The following AKAP1 variants were observed in gnomAD, a reference collection of about 807,000 sequenced individuals.
AKAP1 encodes A-kinase anchor protein 1, mitochondrial.
AKAP1 carries 32 observed loss-of-function variants against 79.8 expected under a neutral mutation model. That is an observed-to-expected ratio of 0.40 (90% CI 0.30 to 0.54). The LOEUF (loss-of-function observed/expected upper bound fraction) is 0.54, where lower values mean the gene tolerates loss of function less well. Among genes scored for constraint, AKAP1 ranks in the 20% least tolerant of loss-of-function variants. The probability of loss-of-function intolerance (pLI) is 0.47; values close to 1 mark genes in which losing one functional copy is unlikely to be tolerated. For missense variants in AKAP1, 961 were observed against 1,138.9 expected, an observed-to-expected ratio of 0.84 and a Z score of 2.25; for synonymous variants, 416 against 466.7, an observed-to-expected ratio of 0.89 and a Z score of 1.40.
Position 57,109,398 on chromosome 17 carries a change from A to G in AKAP1, c.1715-627A>G, listed in dbSNP as rs541872092. ...GAGCCAGAAGAGTGTTCAGAGTTGC[A>G]TGAATCAGGCCTAAGCAAAGGGAAA... On this transcript the variant is annotated intron_variant, in intron 2 of 10. Transcript: ENST00000337714. Among the ~76,000 whole-genome samples, 7 of 152,320 alleles carry G rather than the reference A, an allele frequency of 4.6e-5. No individual in the cohort carries two copies. In the South Asian group the frequency reaches 1.4e-3, roughly 32 times the overall value.
At chr17:57,119,961 G>A (rs145741284) in intron 10 of AKAP1, among the ~76,000 whole-genome samples, 3,729 of 150,748 alleles carry the variant, frequency 0.025, 159 homozygotes, top group African/African-American at 0.085. Flanking sequence ...CAGTAACTGG[G>A]ATTACAGGTG....
At position 57,104,413 on chromosome 17, in the gene AKAP1, C is replaced by T. The variant is rs138548689; in HGVS notation, c.-24-1028C>T. 5.3e-5 allele frequency among the ~76,000 whole-genome samples: 8 copies of T among 152,342 alleles called. No individual in the cohort carries two copies. In the East Asian group the frequency reaches 1.3e-3, roughly 26 times the overall value. On this transcript the variant is annotated intron_variant, in intron 1 of 10. Transcript: ENST00000337714. The stretch of plus-strand genomic sequence containing the variant: ...CCCTAGGACACCCTCACTGACCCCA[C>T]GATGGTACAGATGCTCCTCAGCTTA...
chr17:57,119,312 C>T (rs375340177), intron 10 of AKAP1, among the ~76,000 whole-genome samples: 4 of 152,240 alleles, frequency 2.6e-5, no homozygotes, highest in East Asian at 1.9e-4. Context: ...ATGTCAATAG[C>T]GCCAAGGTGG....
Position 57,107,969 on chromosome 17 carries a change from C to T in AKAP1, c.1714+791C>T, listed in dbSNP as rs750610166. The T allele has an allele frequency of 9.3e-6, 12 of 1,289,544 alleles. No individual in the cohort carries two copies. The African/African-American group carries it at 1.1e-4, about 11-fold the overall frequency. The allele number at this position is 1,289,544 out of a possible 1,614,324, so 79.9% of individuals were successfully genotyped here. ...AGTTGCAGCTCCACCCCCGGGAAAGCGGGGCACTTTGATAACGAGGTGTCC... is the reference window on the plus strand; with the variant it reads ...AGTTGCAGCTCCACCCCCGGGAAAGTGGGGCACTTTGATAACGAGGTGTCC... On this transcript the variant is annotated intron_variant, in intron 2 of 10. Coordinates refer to ENST00000337714, the MANE Select transcript of AKAP1 (RefSeq NM_003488.4).
intron 5 of AKAP1, among the ~76,000 whole-genome samples, chr17:57,113,158 C>T (rs2144757847): frequency 6.6e-6 from 1 of 152,264 alleles, no homozygotes; most frequent in East Asian, 1.9e-4. Flanking sequence ...GGGAGGTTGC[C>T]CCAGGAGTTT....
At chr17:57,104,931 C>A (rs1914747234) in intron 1 of AKAP1, among the ~76,000 whole-genome samples, 1 of 152,230 alleles carries the variant, frequency 6.6e-6, no homozygotes, top group Non-Finnish European at 1.5e-5. Context: ...CTCCTTCATT[C>A]TCACTGTCTC....
chr17:57,091,678 C>CTTT, intron 1 of AKAP1, among the ~76,000 whole-genome samples: 1 of 139,008 alleles, frequency 7.2e-6, no homozygotes, highest in Non-Finnish European at 1.6e-5. Flanking sequence ...CCATTAAAAA[C>CTTT]ATTATTTATT....
chr17:57,117,775 G>A (rs1413494551), intron 8 of AKAP1, among the ~76,000 whole-genome samples: 1 of 152,016 alleles, frequency 6.6e-6, no homozygotes, highest in Non-Finnish European at 1.5e-5. Flanking sequence ...GATCTTCCTT[G>A]GTAAACCCCT....
chr17:57,112,462 TG>T, intron 4 of AKAP1, 28 bp from the exon 5 acceptor site: 1 of 1,606,830 alleles, frequency 6.2e-7, no homozygotes. Flanking sequence ...TTACAGTGAT[TG>T]TATGTCCTGC....
rs759623929 is a variant in AKAP1 at position 57,106,815 on chromosome 17, A to C, written c.1351A>C (p.Lys451Gln). The change falls in exon 2 of 11, where the codon AAG becomes CAG. Residue 451 changes from lysine to glutamine, a missense_variant. This residue lies in a region of AKAP1 where 629 missense variants were observed against 781.1 expected (regional missense o/e 0.81). Transcript: ENST00000337714. ...SLLSSPTKDSKPNISAHHISL... is the reference protein window; with the variant it reads ...SLLSSPTKDSQPNISAHHISL... Reference sequence around the variant, plus strand: ...TCTGTCCAGCCCCACCAAGGACAGTAAGCCAAATATCTCTGCACACCACAT... The same window carrying C: ...TCTGTCCAGCCCCACCAAGGACAGTCAGCCAAATATCTCTGCACACCACAT... The C allele has an allele frequency of 1.9e-6, 3 of 1,613,992 alleles. No homozygotes were observed. The highest frequency in any genetic ancestry group is 2.5e-6 in the Non-Finnish European group (3 of 1,180,036).
chr17:57,086,087 G>C lies in AKAP1; in HGVS notation c.-25+689G>C. The C allele has an allele frequency of 3.9e-6, 1 of 253,282 alleles. No homozygotes were observed. The highest frequency in any genetic ancestry group is 3.3e-5 in the South Asian group (1 of 29,886). The allele number at this position is 253,282 out of a possible 1,614,324, so 15.7% of individuals were successfully genotyped here. On this transcript the variant is annotated intron_variant, in intron 1 of 10. Transcript: ENST00000337714. The surrounding 1 kb of genome is among the most constrained non-coding windows in gnomAD (Gnocchi z 5.1). ...TTGGGGTCTGGAGGTCGGAGGCTCAGGGGCGTCTCGGGGGGAATTTGCATT... is the reference window on the plus strand; with the variant it reads ...TTGGGGTCTGGAGGTCGGAGGCTCACGGGCGTCTCGGGGGGAATTTGCATT...
At chr17:57,111,768 C>T (rs1219752111) in intron 3 of AKAP1, 30 bp from the exon 4 acceptor site, 4 of 1,612,374 alleles carry the variant, frequency 2.5e-6, no homozygotes, top group African/African-American at 1.3e-5. Flanking sequence ...TTCCCTTTAA[C>T]CCTCTCATCT....
At chr17:57,085,552 G>A (rs1458558788) in intron 1 of AKAP1, among the ~76,000 whole-genome samples, 154 bp downstream of exon 1, 1 of 152,066 alleles carries the variant, frequency 6.6e-6, no homozygotes, top group Non-Finnish European at 1.5e-5. Flanking sequence ...GTGTCCTGGG[G>A]GCTCTCGGCC....
chr17:57,089,791 A>T (rs72843421), intron 1 of AKAP1, among the ~76,000 whole-genome samples: 14,886 of 152,250 alleles, frequency 0.098, 751 homozygotes, highest in East Asian at 0.14. Flanking sequence ...GAGTGGACGA[A>T]CAGTTTTGAA....
At chr17:57,101,967 A>T (rs2058578) in intron 1 of AKAP1, among the ~76,000 whole-genome samples, 62,895 of 152,012 alleles carry the variant, frequency 0.41, 13,617 homozygotes, top group East Asian at 0.79. Flanking sequence ...CATGAGATCA[A>T]CTTCTTTCGG....
chr17:57,088,172 G>C (rs1913575531), intron 1 of AKAP1, among the ~76,000 whole-genome samples: 1 of 152,120 alleles, frequency 6.6e-6, no homozygotes, highest in Non-Finnish European at 1.5e-5. Context: ...GGCAAGTTCT[G>C]TTTCTTCCAT....
At chr17:57,108,490 C>G (rs1419460379) in intron 2 of AKAP1, among the ~76,000 whole-genome samples, 1 of 152,152 alleles carries the variant, frequency 6.6e-6, no homozygotes, top group Non-Finnish European at 1.5e-5. Context: ...TAACAAGCCC[C>G]GCAGCCTTGT....
At chr17:57,104,823 A>G (rs1228567027) in intron 1 of AKAP1, among the ~76,000 whole-genome samples, 1 of 152,226 alleles carries the variant, frequency 6.6e-6, no homozygotes, top group East Asian at 1.9e-4. Context: ...GAGCGCCTGT[A>G]TTTGAATCTT....
Position 57,114,902 on chromosome 17 carries a change from CT to C in AKAP1, c.2281+276del, listed in dbSNP as rs71363891. Among the ~76,000 whole-genome samples, 205 of 147,722 alleles carry C rather than the reference CT, an allele frequency of 1.4e-3. 2 individuals are homozygous for C. The highest frequency in any genetic ancestry group is 1.5e-3 in the South Asian group (7 of 4,630). ...CACTAATTTTTTTTTTTAATTTTTT[CT>C]TTTTTTTTTCCCTCAAAGCCAGTGT... On this transcript the variant is annotated intron_variant, in intron 6 of 10. Coordinates refer to ENST00000337714, the MANE Select transcript of AKAP1 (RefSeq NM_003488.4).
Sources: gnomAD v4.1 joint callset for allele counts (sites outside exome capture counted in the v4.1 genomes callset) on GRCh38, gnomAD v4.1.1 for gene constraint, gnomAD v4.1.1 regional missense constraint, Gnocchi (gnomAD v3.1) non-coding constraint, MANE v1.5 for transcripts, NCBI Gene and HGNC (gene_info 2026-07-23, HGNC 2026-07-21) for gene names.